FOXN3: variants seen among roughly 807,000 people sequenced by gnomAD.
FOXN3 encodes forkhead box protein N3.
Under a neutral mutation model 38.4 loss-of-function variants are expected in FOXN3, and 7 were observed. The ratio of observed to expected loss-of-function variants is 0.18; its 90% CI spans 0.10 to 0.34. The LOEUF is 0.34. FOXN3 is among the 10% of genes least tolerant of loss of function. The pLI, the probability that FOXN3 is intolerant of heterozygous loss-of-function variation, is 1.00. For missense variants in FOXN3, 456 were observed against 613.4 expected (o/e 0.74, Z 2.71); for synonymous variants, 230 against 242.2 (o/e 0.95, Z 0.47).
At chr14:89,568,413 T>A (rs909310934) in intron 1 of FOXN3, among the ~76,000 whole-genome samples, 1 of 152,214 alleles carries the variant, frequency 6.6e-6, no homozygotes, top group East Asian at 1.9e-4. Flanking sequence ...TCCCTGCCCC[T>A]GACCACCTCC....
At chr14:89,309,957 C>T (rs1887482187) in intron 3 of FOXN3, among the ~76,000 whole-genome samples, 1 of 152,208 alleles carries the variant, frequency 6.6e-6, no homozygotes, top group Admixed American at 6.5e-5. Flanking sequence ...CTAAGCCTGA[C>T]AGTATGAACT....
At chr14:89,367,820 C>A (rs1890201953) in intron 2 of FOXN3, among the ~76,000 whole-genome samples, 1 of 126,858 alleles carries the variant, frequency 7.9e-6, no homozygotes, top group South Asian at 2.9e-4. Context: ...CAGGGCTCAG[C>A]AAGCCGGCCT....
chr14:89,363,509 TG>T (rs1178865935), intron 2 of FOXN3, among the ~76,000 whole-genome samples: 2 of 49,176 alleles, frequency 4.1e-5, no homozygotes, highest in African/African-American at 8.9e-5. Context: ...GCTGTGTTAC[TG>T]GATGGACAAA....
intron 5 of FOXN3, among the ~76,000 whole-genome samples, chr14:89,165,531 T>C (rs906153924): frequency 1.3e-5 from 2 of 152,212 alleles, no homozygotes; most frequent in Admixed American, 6.5e-5. Context: ...GAGGAGTTCC[T>C]CCAGGGCTTG....
intron 4 of FOXN3, among the ~76,000 whole-genome samples, chr14:89,181,958 C>A (rs1157494996): frequency 6.6e-6 from 1 of 152,156 alleles, no homozygotes; most frequent in Admixed American, 6.5e-5. Flanking sequence ...TCTTCTAAGA[C>A]CCTGTCTACC....
chr14:89,306,400 C>T (rs1292979304), intron 3 of FOXN3, among the ~76,000 whole-genome samples: 1 of 151,726 alleles, frequency 6.6e-6, no homozygotes, highest in Non-Finnish European at 1.5e-5. Context: ...CGGAGTCTTG[C>T]TCTGTTGCCC....
rs562550322 is a variant in FOXN3, at chr14:89,447,127, C to G, written c.-14-34637G>C. Among the ~76,000 whole-genome samples the G allele has an allele frequency of 3.5e-3, 519 of 150,194 alleles. 7 individuals are homozygous for G. The highest frequency in any genetic ancestry group is 0.012 in the African/African-American group (504 of 40,714). On this transcript the variant is annotated intron_variant, in intron 1 of 6. Coordinates refer to the FOXN3 transcript ENST00000345097. Reference sequence around the variant, plus strand: ...AGAAGAATCGCTTGATCCCGGGAGGCAGAGGTTGCAGTGAGCCGAGATCGC... The same window carrying G: ...AGAAGAATCGCTTGATCCCGGGAGGGAGAGGTTGCAGTGAGCCGAGATCGC...
At position 89,230,176 on chromosome 14, in the gene FOXN3, G is replaced by A. The variant is rs140317779; in HGVS notation, c.746-49370C>T. Among the ~76,000 whole-genome samples, 167 of 152,358 alleles carry A rather than the reference G, an allele frequency of 1.1e-3. 1 individual carries two copies. The highest frequency in any genetic ancestry group is 3.8e-3 in the African/African-American group (158 of 41,578). ...TATCATGTGATTTGCTTATATGTCT[G>A]TGAACCCAAGAACACTGTAAATCCC... On this transcript the variant is annotated intron_variant, in intron 4 of 5. Transcript: ENST00000557258.
chr14:89,407,585 A>C (rs1891428141), intron 2 of FOXN3, among the ~76,000 whole-genome samples: 1 of 152,164 alleles, frequency 6.6e-6, no homozygotes, highest in East Asian at 1.9e-4. Flanking sequence ...AATCCACAGC[A>C]CTGTGGGAGG....
intron 1 of FOXN3, among the ~76,000 whole-genome samples, chr14:89,614,220 C>A (rs1896449648): frequency 6.6e-6 from 1 of 152,152 alleles, no homozygotes; most frequent in Non-Finnish European, 1.5e-5. Flanking sequence ...ATTATTTTCA[C>A]TGACTAATAG....
intron 4 of FOXN3, among the ~76,000 whole-genome samples, chr14:89,191,240 G>A (rs1887933538): frequency 6.6e-6 from 1 of 152,184 alleles, no homozygotes; most frequent in Non-Finnish European, 1.5e-5. Flanking sequence ...CAGCTCTGCT[G>A]CTATGGAAAT....
intron 4 of FOXN3, among the ~76,000 whole-genome samples, chr14:89,234,650 C>G (rs28691568): frequency 0.045 from 6,805 of 150,650 alleles, 487 homozygotes; most frequent in African/African-American, 0.16. Context: ...TGCCCCCCTC[C>G]CTCCCCCACT....
chr14:89,567,211 T>C (rs1390957486), intron 1 of FOXN3, among the ~76,000 whole-genome samples: 1 of 152,220 alleles, frequency 6.6e-6, no homozygotes, highest in African/African-American at 2.4e-5. Flanking sequence ...TCTTCCCCTT[T>C]AACCAGTTCC....
chr14:89,456,921 C>A (rs1892738841), intron 1 of FOXN3, among the ~76,000 whole-genome samples: 1 of 152,072 alleles, frequency 6.6e-6, no homozygotes, highest in Non-Finnish European at 1.5e-5. Flanking sequence ...AAAATAACCA[C>A]CTCTCCAGGG....
At chr14:89,195,775 G>C (rs767947220) in intron 4 of FOXN3, among the ~76,000 whole-genome samples, 1 of 152,164 alleles carries the variant, frequency 6.6e-6, no homozygotes, top group Non-Finnish European at 1.5e-5. Flanking sequence ...GTGAGACAGG[G>C]GGGTACGAGA....
chr14:89,381,145 CAAAAAAAAAAAAAA>C (rs71130067), intron 2 of FOXN3, among the ~76,000 whole-genome samples: 2 of 64,204 alleles, frequency 3.1e-5, no homozygotes, highest in African/African-American at 9.9e-5. Flanking sequence ...CCCTCCGTCT[CAAAAAAAAAAAAAA>C]AAAAAAAAAA....
chr14:89,442,973 G>A (rs935085802), intron 1 of FOXN3, among the ~76,000 whole-genome samples: 3 of 152,196 alleles, frequency 2.0e-5, no homozygotes, highest in Admixed American at 2.0e-4. Flanking sequence ...TACAGAAAAG[G>A]TTTGCCAACA....
At chr14:89,582,326 G>C (rs561856209) in intron 1 of FOXN3, among the ~76,000 whole-genome samples, 8 of 152,162 alleles carry the variant, frequency 5.3e-5, no homozygotes, top group African/African-American at 1.9e-4. Flanking sequence ...CTTCTCCAAG[G>C]TTCTCTATTT....
chr14:89,224,018 C>A (rs1884553850), intron 4 of FOXN3, among the ~76,000 whole-genome samples: 2 of 151,736 alleles, frequency 1.3e-5, no homozygotes, highest in Non-Finnish European at 1.5e-5. Context: ...GAATAACAGA[C>A]CAGCCTTGAG....
Sources: allele counts gnomAD v4.1 joint callset (sites outside exome capture counted in the v4.1 genomes callset), GRCh38; gene constraint gnomAD v4.1.1; transcripts MANE v1.5; gene names NCBI Gene and HGNC (gene_info 2026-07-23, HGNC 2026-07-21).